The following RGS9 variants were observed in gnomAD, a reference collection of about 807,000 sequenced individuals.
RGS9 encodes the protein regulator of G protein signaling 9, also known as regulator of G-protein signalling 9.
RGS9 carries 78 observed loss-of-function variants against 102.0 expected under a neutral mutation model. The observed-to-expected ratio is 0.76, with a 90% CI of 0.64 to 0.92. The LOEUF (loss-of-function observed/expected upper bound fraction) is 0.92. Ranked by LOEUF, RGS9 falls within the 40% of genes least tolerant of loss-of-function variation. The pLI, the probability that RGS9 is intolerant of heterozygous loss-of-function variation, is 0.00. For missense variants in RGS9, 833 were observed against 866.1 expected (o/e 0.96, Z 0.48); for synonymous variants, 353 against 318.6 (o/e 1.11, Z -1.15).
chr17:65,214,946 T>G (rs1031510639), intron 17 of RGS9, among the ~76,000 whole-genome samples: 1 of 152,234 alleles, frequency 6.6e-6, no homozygotes, highest in Non-Finnish European at 1.5e-5. Context: ...TACCTCTGTC[T>G]GTGAATGCTG....
rs1910956113 is a variant in RGS9 at position 65,160,843 on chromosome 17, T to G, written c.365-8T>G. On this transcript the variant is annotated splice_region_variant and splice_polypyrimidine_tract_variant and intron_variant, in intron 5 of 18. Coordinates refer to ENST00000262406, the MANE Select transcript of RGS9 (RefSeq NM_003835.4). ...GATGATGGAAAATGTCATTGCTTTC[T>G]TTTCCAGCCATCTATCTGGCCAAGC... The G allele has an allele frequency of 6.2e-7, 1 of 1,613,614 alleles. No individual in the cohort carries two copies. The highest frequency in any genetic ancestry group is 8.5e-7 in the Non-Finnish European group (1 of 1,179,492).
intron 8 of RGS9, among the ~76,000 whole-genome samples, chr17:65,174,680 G>A (rs1287970787): frequency 6.6e-6 from 1 of 151,994 alleles, no homozygotes; most frequent in Non-Finnish European, 1.5e-5. Flanking sequence ...GTGTGAGCAT[G>A]CATATGTGTG....
chr17:65,166,745 G>A (rs1228381797), intron 7 of RGS9, among the ~76,000 whole-genome samples: 1 of 152,216 alleles, frequency 6.6e-6, no homozygotes, highest in Non-Finnish European at 1.5e-5. Flanking sequence ...CAGCATTGTG[G>A]AAACTGCAAT....
Position 65,160,644 on chromosome 17 carries a change from CT to C in RGS9, c.364+59del, listed in dbSNP as rs778417748. On this transcript the variant is annotated intron_variant, in intron 5 of 18. Coordinates refer to ENST00000262406, the MANE Select transcript of RGS9 (RefSeq NM_003835.4). ...TAGTGCTTAACATGCTGCTTATTTA[CT>C]TGCTGCACTTTGGTGACATTTGTCT... 1.1e-4 allele frequency: 175 copies of C among 1,564,884 alleles called. 5 individuals are homozygous for C. The East Asian group carries it at 1.4e-3, about 13-fold the overall frequency.
At chr17:65,223,712 T>C (rs1905467955) in intron 17 of RGS9, among the ~76,000 whole-genome samples, 1 of 151,762 alleles carries the variant, frequency 6.6e-6, no homozygotes, top group African/African-American at 2.4e-5. Context: ...CCTCACCTCC[T>C]TCTCGAGGAC....
chr17:65,223,078 C>A (rs1379669628), intron 17 of RGS9, among the ~76,000 whole-genome samples: 1 of 152,206 alleles, frequency 6.6e-6, no homozygotes, highest in Non-Finnish European at 1.5e-5. Flanking sequence ...ACAGTTGCCT[C>A]ACTGGGTGGC....
chr17:65,184,666 TC>T (rs1912033210), intron 9 of RGS9, among the ~76,000 whole-genome samples: 1 of 152,216 alleles, frequency 6.6e-6, no homozygotes, highest in African/African-American at 2.4e-5. Context: ...TTTCTTTTTT[TC>T]CTTCCTTCCT....
chr17:65,179,295 C>T (rs1877821), intron 9 of RGS9, among the ~76,000 whole-genome samples: 11,074 of 152,176 alleles, frequency 0.073, 915 homozygotes, highest in East Asian at 0.31. Context: ...CATTAGGTCT[C>T]TTGTCCACAA....
chr17:65,195,689 A>G (rs776327441), intron 12 of RGS9, among the ~76,000 whole-genome samples: 4 of 152,218 alleles, frequency 2.6e-5, no homozygotes, highest in Non-Finnish European at 4.4e-5. Flanking sequence ...ATTTTAGAAC[A>G]GTATTACAAT....
chr17:65,163,676 C>G (rs560098026), intron 7 of RGS9, among the ~76,000 whole-genome samples: 121 of 152,134 alleles, frequency 8.0e-4, no homozygotes, highest in African/African-American at 2.7e-3. Flanking sequence ...TGGCATTGAA[C>G]CTGGGGAATG....
chr17:65,211,928 C>T (rs1913320103), intron 17 of RGS9, among the ~76,000 whole-genome samples: 1 of 152,224 alleles, frequency 6.6e-6, no homozygotes, highest in Admixed American at 6.5e-5. Context: ...ATTGTTCATG[C>T]ATGTGGGGTC....
In RGS9 at chr17:65,213,508, G is replaced by A. The variant is rs72854603; in HGVS notation, c.1407+2903G>A. ...CATACCCAGCAGCCTGGTGGTGAGGGTGGTGGTGAGCATGTTGTTGAGGGT... is the reference window on the plus strand; with the variant it reads ...CATACCCAGCAGCCTGGTGGTGAGGATGGTGGTGAGCATGTTGTTGAGGGT... On this transcript the variant is annotated intron_variant, in intron 17 of 18. Coordinates refer to ENST00000262406, the MANE Select transcript of RGS9 (RefSeq NM_003835.4). Among the ~76,000 whole-genome samples the A allele has an allele frequency of 9.0e-3, 1,349 of 150,648 alleles. 13 individuals carry two copies. Among genetic ancestry groups the A allele is most frequent in the Non-Finnish European group, 0.013 (911 of 68,014 alleles).
At chr17:65,215,563 C>T (rs1913494272) in intron 17 of RGS9, among the ~76,000 whole-genome samples, 1 of 108,582 alleles carries the variant, frequency 9.2e-6, no homozygotes, top group Non-Finnish European at 1.9e-5. Flanking sequence ...TGTTTTGAGA[C>T]AGAGTCTCAG....
chr17:65,221,338 C>A (rs1461492101), intron 17 of RGS9, among the ~76,000 whole-genome samples: 1 of 152,150 alleles, frequency 6.6e-6, no homozygotes, highest in Non-Finnish European at 1.5e-5. Context: ...GCATCATATC[C>A]ATGAACCTCA....
chr17:65,215,692 C>G (rs1347217561), intron 17 of RGS9, among the ~76,000 whole-genome samples: 1 of 119,538 alleles, frequency 8.4e-6, no homozygotes, highest in African/African-American at 4.5e-5. Context: ...TCCCCAGTAG[C>G]TGGGATTACA....
intron 13 of RGS9, among the ~76,000 whole-genome samples, chr17:65,200,852 T>C (rs948557567): frequency 1.3e-5 from 2 of 152,318 alleles, no homozygotes; most frequent in South Asian, 4.1e-4. Context: ...AGAAAAAAGT[T>C]ATGAAAAGGT....
At chr17:65,153,366 TGC>T in intron 1 of RGS9, 54 bp from the exon 2 acceptor site, 1 of 1,477,270 alleles carries the variant, frequency 6.8e-7, no homozygotes, top group Non-Finnish European at 9.5e-7. Flanking sequence ...GAAATTGCCC[TGC>T]ACAACTTTCA....
At chr17:65,175,986 A>C (rs1911609960) in intron 8 of RGS9, among the ~76,000 whole-genome samples, 1 of 152,236 alleles carries the variant, frequency 6.6e-6, no homozygotes, top group African/African-American at 2.4e-5. Context: ...TTTATCTGGC[A>C]GTCTTACATC....
intron 2 of RGS9, among the ~76,000 whole-genome samples, chr17:65,155,263 G>C (rs1322534154): frequency 2.6e-5 from 4 of 152,158 alleles, no homozygotes; most frequent in Admixed American, 2.6e-4. Context: ...CCCTGACCCT[G>C]TCCCCCTCCC....
Sources: allele counts gnomAD v4.1 joint callset (sites outside exome capture counted in the v4.1 genomes callset), GRCh38; gene constraint gnomAD v4.1.1; transcripts MANE v1.5; gene names NCBI Gene and HGNC (gene_info 2026-07-23, HGNC 2026-07-21).